Variants in ARMCX4 observed in about 807,000 individuals in gnomAD.
The protein encoded by ARMCX4 is armadillo repeat containing X-linked 4.
ARMCX4 carries 3 observed loss-of-function variants against 34.7 expected under a neutral mutation model. That is an observed-to-expected ratio of 0.09 (90% CI 0.04 to 0.22). ARMCX4 has a LOEUF of 0.22. Among genes scored for constraint, ARMCX4 ranks in the 10% least tolerant of loss-of-function variants. The pLI is 1.00. For missense variants in ARMCX4, 1,448 were observed against 1,720.8 expected, an observed-to-expected ratio of 0.84 and a Z score of 2.81; for synonymous variants, 513 against 632.8, an observed-to-expected ratio of 0.81 and a Z score of 2.84.
intron 2 of ARMCX4, among the ~76,000 whole-genome samples, chrX:101,429,845 C>G (rs868973682): frequency 9.0e-6 from 1 of 111,506 alleles, no homozygotes; most frequent in Non-Finnish European, 1.9e-5. Flanking sequence ...CTTATACTTG[C>G]AATATGACTT....
At chrX:101,434,831 C>T (rs1292520864) in intron 2 of ARMCX4, among the ~76,000 whole-genome samples, 1 of 99,283 alleles carries the variant, frequency 1.0e-5, no homozygotes, top group African/African-American at 3.7e-5. Context: ...TGTTCCCCTT[C>T]CTGTGTCCAT....
intron 2 of ARMCX4, among the ~76,000 whole-genome samples, chrX:101,424,872 C>T (rs906735843): frequency 1.8e-5 from 2 of 111,740 alleles, no homozygotes; most frequent in African/African-American, 6.5e-5. Flanking sequence ...CTGTGTTTGA[C>T]GTGCCTTTGA....
intron 11 of ARMCX4, among the ~76,000 whole-genome samples, chrX:101,518,987 A>G (rs1330825905): frequency 1.8e-5 from 2 of 111,553 alleles, no homozygotes; most frequent in African/African-American, 6.5e-5. Context: ...CAGAAGCCCT[A>G]TTATCCAATG....
In ARMCX4 at chrX:101,494,892, G is replaced by A; in HGVS notation, c.6303G>A (p.Gln2101=). The change falls in exon 6 of 6, where the codon CAG becomes CAA. Residue 2101 remains glutamine, a synonymous_variant. Transcript: ENST00000423738. ...ATAATCCCTACCCCAGTGTTAGGCAGAAGGCTTTAAATGCACTGAATAATA... is the reference window on the plus strand; with the variant it reads ...ATAATCCCTACCCCAGTGTTAGGCAAAAGGCTTTAAATGCACTGAATAATA... ...LLNNPYPSVR[Q]KALNALNNIS... 8.7e-7 allele frequency: 1 copy of A among 1,155,926 alleles called. No homozygotes were observed. The highest frequency in any genetic ancestry group is 1.1e-6 in the Non-Finnish European group (1 of 872,913).
At chrX:101,496,065 G>C (rs782553796), downstream of ARMCX4, among the ~76,000 whole-genome samples, 1 of 110,774 alleles carries the variant, frequency 9.0e-6, no homozygotes, top group South Asian at 3.8e-4. Context: ...GGGAAAAAAG[G>C]CATGGAGATG....
At chrX:101,463,195 G>A (rs782345880) in intron 4 of ARMCX4, among the ~76,000 whole-genome samples, 58 of 111,631 alleles carry the variant, frequency 5.2e-4, no homozygotes, top group Middle Eastern at 4.6e-3. Context: ...ATGACTTCCC[G>A]AATCAGGCCA....
chrX:101,473,760 T>C (rs1248691159), intron 4 of ARMCX4, among the ~76,000 whole-genome samples: 3 of 93,689 alleles, frequency 3.2e-5, no homozygotes, highest in Admixed American at 1.2e-4. Flanking sequence ...TTGAAACCAA[T>C]GAGAACAAAG....
At chrX:101,478,241 G>A (rs1933287385) in intron 4 of ARMCX4, among the ~76,000 whole-genome samples, 2 of 112,004 alleles carry the variant, frequency 1.8e-5, no homozygotes, top group Admixed American at 1.9e-4. Flanking sequence ...GAGAAAATCA[G>A]AGAAAATCAA....
chrX:101,496,739 C>A (rs1273271754), downstream of ARMCX4, among the ~76,000 whole-genome samples: 1 of 111,657 alleles, frequency 9.0e-6, no homozygotes, highest in Admixed American at 9.5e-5. Context: ...ATCTACCTCT[C>A]TCCCACCCCA....
intron 4 of ARMCX4, among the ~76,000 whole-genome samples, chrX:101,457,159 C>T (rs781952563): frequency 8.9e-6 from 1 of 112,037 alleles, no homozygotes; most frequent in South Asian, 3.6e-4. Context: ...AATTTACTGA[C>T]TGCATCCCTG....
intron 11 of ARMCX4, chrX:101,511,200 C>T (rs1341881100): frequency 4.5e-5 from 5 of 110,804 alleles, no homozygotes; most frequent in Non-Finnish European, 7.6e-5. Context: ...TCTGTTCTTT[C>T]GTTATGGAAC....
intron 8 of ARMCX4, among the ~76,000 whole-genome samples, chrX:101,507,206 G>A (rs1166809131): frequency 2.7e-5 from 3 of 111,063 alleles, no homozygotes. Flanking sequence ...AGAAGGAGAG[G>A]CAGGTAAGTG....
chrX:101,489,514 A>G lies in ARMCX4; in HGVS notation c.925A>G (p.Arg309Gly). Residue 309 changes from arginine to glycine, a missense_variant, in exon 6 of 6, where the codon AGG (arginine) becomes GGG (glycine). Arg to Gly is a moderately radical substitution (Grantham distance 125, BLOSUM62 -2). Transcript: ENST00000423738. The part of the protein sequence containing the change: ...EDMGNCKTMS[R>G]AESGADTRAS... Reference sequence around the variant, plus strand: ...CATGGGGAATTGTAAAACCATGTCTAGGGCAGAGTCTGGGGCAGACACGAG... The same window carrying G: ...CATGGGGAATTGTAAAACCATGTCTGGGGCAGAGTCTGGGGCAGACACGAG... The G allele has an allele frequency of 2.6e-6, 3 of 1,155,807 alleles. No individual in the cohort carries two copies. The highest frequency in any genetic ancestry group is 3.4e-6 in the Non-Finnish European group (3 of 872,956).
intron 2 of ARMCX4, among the ~76,000 whole-genome samples, chrX:101,440,473 C>G (rs1335016740): frequency 2.7e-5 from 3 of 112,003 alleles, no homozygotes; most frequent in Admixed American, 9.5e-5. Context: ...TCTCCAGCTG[C>G]GTGCTGGGAG....
At chrX:101,464,306 G>T (rs1324074384) in intron 4 of ARMCX4, among the ~76,000 whole-genome samples, 2 of 111,644 alleles carry the variant, frequency 1.8e-5, no homozygotes, top group Non-Finnish European at 3.8e-5. Flanking sequence ...AACCTGGGAG[G>T]TGGAAGTTGC....
At chrX:101,467,648 T>C (rs1932816689) in intron 4 of ARMCX4, among the ~76,000 whole-genome samples, 1 of 112,139 alleles carries the variant, frequency 8.9e-6, no homozygotes, top group South Asian at 3.7e-4. Context: ...GATCCTTTTC[T>C]GAATCAATTA....
At chrX:101,518,238 A>G (rs1934782355) in intron 11 of ARMCX4, among the ~76,000 whole-genome samples, 2 of 111,643 alleles carry the variant, frequency 1.8e-5, no homozygotes, top group South Asian at 7.3e-4. Context: ...TTATAGTGAC[A>G]TACTATAATA....
Position 101,490,244 on chromosome X carries a change from C to A in ARMCX4, c.1655C>A (p.Ala552Asp). The A allele has an allele frequency of 8.7e-7, 1 of 1,155,068 alleles. No homozygotes were observed. ...MDMKTCTQPQ[A>D]GVKTPAEALL... ...ATGAAAACCTGTACACAACCTCAGG[C>A]TGGGGTCAAGACCCCAGCTGAGGCC... The change falls in exon 6 of 6, where the codon GCT (alanine) becomes GAT (aspartate). Residue 552 changes from alanine (A) to aspartate (D), a missense_variant. This residue lies in a region of ARMCX4 where 1,343 missense variants were observed against 1,540.7 expected (regional missense o/e 0.87). Coordinates refer to ENST00000423738, the MANE Select transcript of ARMCX4 (RefSeq NM_001256155.3).
At chrX:101,439,469 C>G (rs1323006466) in intron 2 of ARMCX4, among the ~76,000 whole-genome samples, 2 of 111,233 alleles carry the variant, frequency 1.8e-5, no homozygotes, top group African/African-American at 6.5e-5. Context: ...AGTTGCTCTT[C>G]TTGAGGAGTA....
Sources: allele counts gnomAD v4.1 joint callset (sites outside exome capture counted in the v4.1 genomes callset), GRCh38; gene constraint gnomAD v4.1.1; regional missense constraint gnomAD v4.1.1; transcripts MANE v1.5; gene names NCBI Gene and HGNC (gene_info 2026-07-23, HGNC 2026-07-21).